Variants in IREB2 observed in about 807,000 individuals in gnomAD.
IREB2 encodes iron responsive element binding protein 2, also known as iron-responsive element-binding protein 2.
Under a neutral mutation model 118.8 loss-of-function variants are expected in IREB2, and 39 were observed. The ratio of observed to expected loss-of-function variants is 0.33; its 90% CI spans 0.25 to 0.43. IREB2 has a LOEUF of 0.43. Among genes scored for constraint, IREB2 ranks in the 20% least tolerant of loss-of-function variants. The pLI, the probability that IREB2 is intolerant of heterozygous loss-of-function variation, is 1.00. For missense variants in IREB2, 900 were observed against 1,147.3 expected (o/e 0.78, Z 3.11); for synonymous variants, 372 against 392.2 (o/e 0.95, Z 0.61).
At chr15:78,440,859 A>G (rs1302967731) in intron 2 of IREB2, among the ~76,000 whole-genome samples, 1 of 152,202 alleles carries the variant, frequency 6.6e-6, no homozygotes, top group African/African-American at 2.4e-5. Flanking sequence ...CTGTGGTCTC[A>G]GAAGAGTGAA....
chr15:78,450,868 G>A (rs914105252), intron 2 of IREB2, among the ~76,000 whole-genome samples: 4 of 134,088 alleles, frequency 3.0e-5, no homozygotes, highest in African/African-American at 1.1e-4. Context: ...GTGTGTGTGT[G>A]TGTGTATTTT....
At chr15:78,477,563 T>C (rs1175541683) in intron 9 of IREB2, among the ~76,000 whole-genome samples, 1 of 152,226 alleles carries the variant, frequency 6.6e-6, no homozygotes, top group Non-Finnish European at 1.5e-5. Context: ...AATGAATATG[T>C]AAATAGTATT....
chr15:78,474,371 G>A (rs1476721992), intron 8 of IREB2: 1 of 152,130 alleles, frequency 6.6e-6, no homozygotes, highest in Non-Finnish European at 1.5e-5. Context: ...AAAGAATTTG[G>A]CATCTTAGAG....
At position 78,488,731 on chromosome 15, in the gene IREB2, T is replaced by C. The variant is rs754971421; in HGVS notation, c.2036T>C (p.Val679Ala). ...GTTCATCGAGTAGAGGAAGAACATG[T>C]TATACTATCCATGTTTAAAGCATTA... is the stretch of plus-strand genomic sequence containing the variant. The part of the protein sequence containing the change: ...EEVHRVEEEH[V>A]ILSMFKALKD... The change falls in exon 16 of 22, where the codon GTT becomes GCT. Residue 679 changes from valine to alanine, a missense_variant. Physicochemically the swap from Val to Ala is moderately conservative, Grantham distance 64. Coordinates refer to ENST00000258886, the MANE Select transcript of IREB2 (RefSeq NM_004136.4). 1.9e-6 allele frequency: 3 copies of C among 1,562,064 alleles called. No individual in the cohort carries two copies. In the South Asian group the frequency reaches 3.3e-5, roughly 17 times the overall value.
At chr15:78,447,207 C>G (rs1481019756) in intron 2 of IREB2, among the ~76,000 whole-genome samples, 1 of 144,336 alleles carries the variant, frequency 6.9e-6, no homozygotes. Flanking sequence ...GACAGGATCT[C>G]TCTTTGTTAC....
At chr15:78,491,727 A>G (rs1473163297) in intron 18 of IREB2, among the ~76,000 whole-genome samples, 1 of 152,086 alleles carries the variant, frequency 6.6e-6, no homozygotes, top group Non-Finnish European at 1.5e-5. Flanking sequence ...CAAACTCCTG[A>G]CCAAGTGATC....
intron 20 of IREB2, among the ~76,000 whole-genome samples, chr15:78,495,049 A>G (rs557988437): frequency 6.6e-6 from 1 of 152,138 alleles, no homozygotes; most frequent in Non-Finnish European, 1.5e-5. Context: ...TCCTTGTTGC[A>G]GAGCAAATAG....
chr15:78,494,345 T>C (rs2051803283), intron 20 of IREB2, 81 bp downstream of exon 20: 1 of 1,392,064 alleles, frequency 7.2e-7, no homozygotes, highest in African/African-American at 1.4e-5. Flanking sequence ...CTGTCAAAGT[T>C]TATCTGGATT....
chr15:78,485,497 C>T (rs1451142967), intron 12 of IREB2, among the ~76,000 whole-genome samples: 1 of 152,126 alleles, frequency 6.6e-6, no homozygotes. Flanking sequence ...CAGCCTGTAT[C>T]TTAATAATTT....
chr15:78,471,580 G>A (rs947057812), intron 6 of IREB2, among the ~76,000 whole-genome samples, 161 bp from the exon 7 acceptor site: 2 of 152,058 alleles, frequency 1.3e-5, no homozygotes, highest in African/African-American at 4.8e-5. Flanking sequence ...AATACATTTA[G>A]GTTCAGTATC....
intron 10 of IREB2, among the ~76,000 whole-genome samples, chr15:78,481,186 C>G (rs1306544344): frequency 2.6e-5 from 4 of 152,146 alleles, no homozygotes; most frequent in African/African-American, 9.6e-5. Context: ...GAGTTTGAAG[C>G]TGCAGTGAGC....
chr15:78,491,310 A>T (rs1196740104), intron 18 of IREB2, among the ~76,000 whole-genome samples: 1 of 152,170 alleles, frequency 6.6e-6, no homozygotes, highest in African/African-American at 2.4e-5. Flanking sequence ...GTAAGATTTC[A>T]TTTCTACATG....
At position 78,482,834 on chromosome 15, in the gene IREB2, G is replaced by A. The variant is rs545025119; in HGVS notation, c.1297-484G>A. Among the ~76,000 whole-genome samples, 7 of 151,130 alleles carry A rather than the reference G, an allele frequency of 4.6e-5. No individual in the cohort carries two copies. The East Asian group carries it at 1.4e-3, about 30-fold the overall frequency. On this transcript the variant is annotated intron_variant, in intron 10 of 21. Transcript: ENST00000258886. ...GCGATCTTGGCTCACTGCAAGCTCC[G>A]CCTCCTGGGTTCACGCCATTCCCCT...
At chr15:78,460,818 A>AT (rs35032655) in intron 2 of IREB2, among the ~76,000 whole-genome samples, 50 of 151,666 alleles carry the variant, frequency 3.3e-4, no homozygotes, top group African/African-American at 4.6e-4. Flanking sequence ...GGCTACTGTG[A>AT]TTTTTTTTTC....
chr15:78,451,380 T>A (rs2051022821), intron 2 of IREB2, among the ~76,000 whole-genome samples: 1 of 152,202 alleles, frequency 6.6e-6, no homozygotes, highest in Admixed American at 6.5e-5. Context: ...TAATTTTAGC[T>A]TGCAGCTCAA....
Position 78,476,370 on chromosome 15 carries a change from A to G in IREB2, c.1195+11A>G. 1 of 1,511,730 alleles carries G rather than the reference A, an allele frequency of 6.6e-7. No individual in the cohort carries two copies. The highest frequency in any genetic ancestry group is 9.0e-7 in the Non-Finnish European group (1 of 1,106,212). The allele number at this position is 1,511,730 out of a possible 1,614,324, so 93.6% of individuals were successfully genotyped here. ...ATTTAGAACATACAGGTAAGAAGAT[A>G]AAAGATCACTAGAATAAACATGTTA... On this transcript the variant is annotated intron_variant, in intron 9 of 21. Coordinates refer to ENST00000258886, the MANE Select transcript of IREB2 (RefSeq NM_004136.4).
chr15:78,470,396 A>G, intron 5 of IREB2, 136 bp from the exon 6 acceptor site: 1 of 519,112 alleles, frequency 1.9e-6, no homozygotes, highest in African/African-American at 1.9e-5. Flanking sequence ...ATTCTGAGAA[A>G]CCTAGTAAAT....
rs541371553 is a variant in IREB2 at position 78,485,910 on chromosome 15, C to G, written c.1709+70C>G. Reference sequence around the variant, plus strand: ...AGGTACTGAAGCTGCTTGTTTGTGCCTTTCATATACAAAGAGAAGATAGAA... The same window carrying G: ...AGGTACTGAAGCTGCTTGTTTGTGCGTTTCATATACAAAGAGAAGATAGAA... On this transcript the variant is annotated intron_variant, in intron 13 of 21. Coordinates refer to ENST00000258886, the MANE Select transcript of IREB2 (RefSeq NM_004136.4). The G allele has an allele frequency of 2.4e-6, 3 of 1,249,848 alleles. No homozygotes were observed. The East Asian group carries it at 7.5e-5, about 31-fold the overall frequency. 77.4% of individuals were successfully genotyped at this position (1,249,848 alleles called of 1,614,324 possible). A position where few individuals can be genotyped will look rare whatever the true frequency, so the allele number is the denominator to read the frequency against.
intron 2 of IREB2, among the ~76,000 whole-genome samples, chr15:78,453,245 A>G (rs972048658): frequency 6.6e-6 from 1 of 152,238 alleles, no homozygotes; most frequent in Admixed American, 6.5e-5. Context: ...AAACTGGAGG[A>G]TGGTGCTGTG....
Sources: allele counts gnomAD v4.1 joint callset (sites outside exome capture counted in the v4.1 genomes callset), GRCh38; gene constraint gnomAD v4.1.1; transcripts MANE v1.5; gene names NCBI Gene and HGNC (gene_info 2026-07-23, HGNC 2026-07-21).